The following ACYP2 variants were observed in gnomAD, a reference collection of about 807,000 sequenced individuals.
ACYP2 encodes acylphosphatase 2.
ACYP2 carries 12 observed loss-of-function variants against 11.2 expected under a neutral mutation model. That is an observed-to-expected ratio of 1.08 (90% CI 0.69 to 1.74). The LOEUF (loss-of-function observed/expected upper bound fraction) is 1.74, where lower values mean the gene tolerates loss of function less well. ACYP2 is among the 40% of genes most tolerant of loss of function. The pLI is 0.00. For missense variants in ACYP2, 134 were observed against 101.9 expected (o/e 1.31, Z -1.35); for synonymous variants, 43 against 32.2 (o/e 1.33, Z -1.13).
intron 6 of ACYP2, among the ~76,000 whole-genome samples, chr2:54,153,793 G>A (rs1409325914): frequency 6.6e-6 from 1 of 151,790 alleles, no homozygotes; most frequent in Non-Finnish European, 1.5e-5. Flanking sequence ...GTAGAGATGA[G>A]GTTTCACTGA....
chr2:54,237,791 T>G (rs1686554748), intron 6 of ACYP2, among the ~76,000 whole-genome samples: 1 of 152,196 alleles, frequency 6.6e-6, no homozygotes, highest in African/African-American at 2.4e-5. Context: ...TTTTGGCCAA[T>G]TTTTGCAAAG....
chr2:54,177,258 G>A (rs1244210520), intron 6 of ACYP2, among the ~76,000 whole-genome samples: 2 of 152,108 alleles, frequency 1.3e-5, no homozygotes, highest in Non-Finnish European at 2.9e-5. Context: ...AGATCAGATG[G>A]TGGGAGGACA....
chr2:54,070,156 G>C (rs890855233), intron 4 of ACYP2, among the ~76,000 whole-genome samples: 4 of 151,770 alleles, frequency 2.6e-5, no homozygotes, highest in Non-Finnish European at 4.4e-5. Context: ...TGTAATCCCA[G>C]CTATTCAGGA....
At chr2:54,050,900 G>GA (rs1675823617) in intron 2 of ACYP2, 1 of 392,076 alleles carries the variant, frequency 2.6e-6, no homozygotes, top group Non-Finnish European at 4.5e-6. Flanking sequence ...TCAGCCTTCT[G>GA]AGTAGCTGAG....
chr2:54,099,903 C>T lies in ACYP2; in HGVS notation c.278-35550C>T, dbSNP rs544445862. On this transcript the variant is annotated intron_variant, in intron 4 of 6. Transcript: ENST00000607452. ...CATAATGGTTATACTAATGTACACT[C>T]CCACCAACAATGCGCAATGTTCCCT... Among the ~76,000 whole-genome samples the T allele has an allele frequency of 3.3e-5, 5 of 152,320 alleles. No individual in the cohort carries two copies. In the South Asian group the frequency reaches 1.0e-3, roughly 32 times the overall value.
intron 4 of ACYP2, among the ~76,000 whole-genome samples, chr2:54,123,980 A>G (rs7559709): frequency 0.021 from 3,158 of 152,210 alleles, 115 homozygotes; most frequent in African/African-American, 0.071. Context: ...AGAATGGGAG[A>G]ATGGATTTGG....
intron 6 of ACYP2, among the ~76,000 whole-genome samples, chr2:54,150,277 CCTT>C (rs1225565379): frequency 6.6e-6 from 1 of 152,180 alleles, no homozygotes; most frequent in Admixed American, 6.5e-5. Context: ...TACCATCTGG[CCTT>C]CTACAGAAAA....
At chr2:54,060,581 T>C (rs1676415590) in intron 4 of ACYP2, among the ~76,000 whole-genome samples, 2 of 152,242 alleles carry the variant, frequency 1.3e-5, no homozygotes, top group South Asian at 4.1e-4. Context: ...CTACTTTTAA[T>C]AACCTAATTT....
intron 6 of ACYP2, among the ~76,000 whole-genome samples, chr2:54,252,763 G>C (rs1049361817): frequency 3.9e-5 from 6 of 152,100 alleles, no homozygotes; most frequent in Admixed American, 6.5e-5. Context: ...AATTAGCCGG[G>C]CGTGGTTGCG....
chr2:54,070,630 C>T (rs1676987208), intron 4 of ACYP2, among the ~76,000 whole-genome samples: 1 of 152,102 alleles, frequency 6.6e-6, no homozygotes, highest in African/African-American at 2.4e-5. Flanking sequence ...TCCAGGGAAA[C>T]CCTTCTTAAC....
intron 6 of ACYP2, among the ~76,000 whole-genome samples, chr2:54,282,123 T>A (rs571324293): frequency 6.6e-6 from 1 of 152,292 alleles, no homozygotes; most frequent in African/African-American, 2.4e-5. Context: ...AATTTAAGTA[T>A]TTTTTTGCCT....
chr2:54,026,351 A>G (rs976635462), intron 2 of ACYP2, among the ~76,000 whole-genome samples: 6 of 152,222 alleles, frequency 3.9e-5, no homozygotes, highest in Non-Finnish European at 7.3e-5. Context: ...TGAAATGCAA[A>G]TCAAAACCAC....
chr2:54,189,769 T>C (rs975872504), intron 6 of ACYP2, among the ~76,000 whole-genome samples: 2 of 152,134 alleles, frequency 1.3e-5, no homozygotes, highest in African/African-American at 4.8e-5. Context: ...TTTTAACTTA[T>C]TTAGAAGCCT....
intron 6 of ACYP2, among the ~76,000 whole-genome samples, chr2:54,278,146 T>G (rs1277747335): frequency 1.5e-4 from 23 of 151,982 alleles, no homozygotes; most frequent in Admixed American, 1.4e-3. Flanking sequence ...CCGAGCTAAT[T>G]TTTTTGTGTT....
intron 6 of ACYP2, among the ~76,000 whole-genome samples, chr2:54,260,814 A>G (rs963568979): frequency 6.6e-6 from 1 of 152,182 alleles, no homozygotes; most frequent in African/African-American, 2.4e-5. Flanking sequence ...GATGGGAAGG[A>G]TAGTCTATGT....
rs538749598 is a variant in ACYP2, at chr2:54,252,979, C to T, written c.405-51709C>T. Among the ~76,000 whole-genome samples, 7 of 152,168 alleles carry T rather than the reference C, an allele frequency of 4.6e-5. No individual in the cohort carries two copies. In the East Asian group the frequency reaches 1.4e-3, roughly 29 times the overall value. ...CTCACAAGCACTTCCACTCTTTAGGCTGAGGCAGGTGAATCATGAGGTCAG... is the reference window on the plus strand; with the variant it reads ...CTCACAAGCACTTCCACTCTTTAGGTTGAGGCAGGTGAATCATGAGGTCAG... On this transcript the variant is annotated intron_variant, in intron 6 of 6. Transcript: ENST00000607452.
chr2:54,086,294 A>G (rs1373933069), intron 4 of ACYP2, among the ~76,000 whole-genome samples: 6 of 151,998 alleles, frequency 3.9e-5, no homozygotes, highest in Admixed American at 3.9e-4. Flanking sequence ...ACTCATAAAG[A>G]CCTCTGCACT....
intron 3 of ACYP2, among the ~76,000 whole-genome samples, chr2:54,053,180 C>G (rs575965101): frequency 6.6e-6 from 1 of 152,324 alleles, no homozygotes; most frequent in South Asian, 2.1e-4. Context: ...CCTTCTTCAG[C>G]TCTTTTCTTG....
chr2:54,046,338 G>T (rs116641952), intron 2 of ACYP2, among the ~76,000 whole-genome samples: 251 of 152,100 alleles, frequency 1.7e-3, no homozygotes, highest in African/African-American at 5.8e-3. Flanking sequence ...AATTAGCTGG[G>T]TGTGATGGAA....
Sources: allele counts gnomAD v4.1 joint callset (sites outside exome capture counted in the v4.1 genomes callset), GRCh38; gene constraint gnomAD v4.1.1; transcripts MANE v1.5; gene names NCBI Gene and HGNC (gene_info 2026-07-23, HGNC 2026-07-21).